The following PDE1A variants were observed in gnomAD, a reference collection of about 807,000 sequenced individuals.
PDE1A encodes dual specificity calcium/calmodulin-dependent 3',5'-cyclic nucleotide phosphodiesterase 1A.
PDE1A carries 35 observed loss-of-function variants against 61.7 expected under a neutral mutation model. That is an observed-to-expected ratio of 0.57 (90% CI 0.43 to 0.75). PDE1A has a LOEUF of 0.75. Ranked by LOEUF, PDE1A falls within the 30% of genes least tolerant of loss-of-function variation. The probability of loss-of-function intolerance (pLI) is 0.00; values close to 1 mark genes in which losing one functional copy is unlikely to be tolerated. For synonymous variants in PDE1A, 232 were observed against 213.2 expected (o/e 1.09, Z -0.77); for missense variants, 597 against 630.6 (o/e 0.95, Z 0.57).
At chr2:182,662,393 C>T in the PDE1A span, among the ~76,000 whole-genome samples, 1 of 148,532 alleles carries the variant, frequency 6.7e-6, no homozygotes, top group African/African-American at 2.5e-5. Context: ...CAATCCTAAG[C>T]AAAAGGAACA....
the PDE1A span, among the ~76,000 whole-genome samples, chr2:182,635,355 ATAAT>A: frequency 6.6e-6 from 1 of 152,020 alleles, no homozygotes; most frequent in Admixed American, 6.6e-5. Context: ...GTTTATATAT[ATAAT>A]TAATACTATA....
At chr2:182,613,289 C>T in the PDE1A span, among the ~76,000 whole-genome samples, 3 of 152,102 alleles carry the variant, frequency 2.0e-5, no homozygotes, top group Admixed American at 6.5e-5. Context: ...GGGCCGGGCA[C>T]GGTGGCTCAC....
At chr2:182,653,414 G>T in the PDE1A span, among the ~76,000 whole-genome samples, 1 of 151,956 alleles carries the variant, frequency 6.6e-6, no homozygotes, top group Non-Finnish European at 1.5e-5. Flanking sequence ...GGTTTTTTTC[G>T]AGGGGATGTG....
At chr2:182,289,735 GT>G in intron 1 of PDE1A, among the ~76,000 whole-genome samples, 1 of 152,164 alleles carries the variant, frequency 6.6e-6, no homozygotes, top group Admixed American at 6.6e-5. Flanking sequence ...GCAAATGTAT[GT>G]ACTTAATTCT....
chr2:182,570,655 G>A, the PDE1A span, among the ~76,000 whole-genome samples: 1 of 152,172 alleles, frequency 6.6e-6, no homozygotes, highest in Non-Finnish European at 1.5e-5. Flanking sequence ...AACGGTCAGT[G>A]TTCAATATGA....
rs1048545856 is a variant in PDE1A, at chr2:182,159,957, T to TA, written c.1517-12806dup. ...GACACAGAGAAACCCTGTCTCAAATTAAAAAAAAGAATTATTGTAGAAAAT... is the reference window on the plus strand; with the variant it reads ...GACACAGAGAAACCCTGTCTCAAATTAAAAAAAAAGAATTATTGTAGAAAAT... On this transcript the variant is annotated intron_variant, in intron 13 of 13. Transcript: ENST00000409365. 5.6e-4 allele frequency among the ~76,000 whole-genome samples: 85 copies of TA among 151,992 alleles called. 3 individuals carry two copies. The East Asian group carries it at 0.015, about 28-fold the overall frequency.
intron 13 of PDE1A, chr2:182,185,675 A>T: frequency 1.4e-6 from 1 of 732,474 alleles, no homozygotes; most frequent in Non-Finnish European, 2.1e-6. Context: ...ACTGACACAC[A>T]GATCTGCAGC....
At chr2:182,183,844 T>C (rs1684969273) in intron 13 of PDE1A, among the ~76,000 whole-genome samples, 1 of 150,996 alleles carries the variant, frequency 6.6e-6, no homozygotes, top group Non-Finnish European at 1.5e-5. Flanking sequence ...AATAATAAAA[T>C]TGAAAAAAGT....
intron 1 of PDE1A, among the ~76,000 whole-genome samples, chr2:182,286,719 G>T (rs1439827110): frequency 1.3e-5 from 2 of 152,142 alleles, no homozygotes; most frequent in Non-Finnish European, 2.9e-5. Flanking sequence ...GGTGCTCATA[G>T]CTTCCACTCA....
chr2:182,651,015 G>GT, the PDE1A span, among the ~76,000 whole-genome samples: 2 of 151,942 alleles, frequency 1.3e-5, no homozygotes, highest in East Asian at 1.9e-4. Context: ...GTTTTGTTTT[G>GT]TTTTTTTCCA....
the PDE1A span, among the ~76,000 whole-genome samples, chr2:182,603,191 A>G: frequency 6.6e-6 from 1 of 152,142 alleles, no homozygotes; most frequent in African/African-American, 2.4e-5. Flanking sequence ...TATTGTTTCT[A>G]GAAATTCTCT....
chr2:182,246,387 C>T (rs1574136054), intron 2 of PDE1A, among the ~76,000 whole-genome samples: 1 of 105,450 alleles, frequency 9.5e-6, no homozygotes, highest in East Asian at 2.5e-4. Flanking sequence ...CTACTATAGT[C>T]TTTTTTCTTT....
At chr2:182,511,642 A>G (rs7595111) in intron 2 of PDE1A, among the ~76,000 whole-genome samples, 117,314 of 152,120 alleles carry the variant, frequency 0.77, 47,244 homozygotes, top group East Asian at 0.99. Flanking sequence ...TGCTATGCTA[A>G]CAGGCTTTGG....
Position 182,513,595 on chromosome 2 carries a change from G to T in PDE1A, c.101+8681C>A, listed in dbSNP as rs78249635. ...TGTCAGGATCAAATCTTCACATATCGATGTTAACCTTGGACGTAAACAGGC... is the reference window on the plus strand; with the variant it reads ...TGTCAGGATCAAATCTTCACATATCTATGTTAACCTTGGACGTAAACAGGC... On this transcript the variant is annotated intron_variant, in intron 2 of 14. Coordinates refer to the PDE1A transcript ENST00000410103. 8.1e-3 allele frequency among the ~76,000 whole-genome samples: 1,238 copies of T among 152,216 alleles called. 26 individuals carry two copies. Among genetic ancestry groups the T allele is most frequent in the African/African-American group, 0.028 (1,153 of 41,534 alleles).
At chr2:182,474,502 G>C (rs977934771) in intron 2 of PDE1A, among the ~76,000 whole-genome samples, 1 of 151,822 alleles carries the variant, frequency 6.6e-6, no homozygotes, top group Non-Finnish European at 1.5e-5. Flanking sequence ...ATGTGATCTT[G>C]ATCAAGCCAC....
intron 1 of PDE1A, among the ~76,000 whole-genome samples, chr2:182,302,846 T>A (rs1222108754): frequency 6.6e-6 from 1 of 152,202 alleles, no homozygotes; most frequent in African/African-American, 2.4e-5. Context: ...TACTTTGTTG[T>A]TATTTCAACA....
At chr2:182,446,737 A>G (rs903257745) in intron 2 of PDE1A, among the ~76,000 whole-genome samples, 1 of 152,096 alleles carries the variant, frequency 6.6e-6, no homozygotes. Context: ...CCCTTCAATG[A>G]TTAAGCAGCC....
At chr2:182,227,574 A>C (rs569165269) in intron 6 of PDE1A, among the ~76,000 whole-genome samples, 1 of 152,164 alleles carries the variant, frequency 6.6e-6, no homozygotes, top group African/African-American at 2.4e-5. Flanking sequence ...AAGGTATGTT[A>C]ATAGCTATTA....
chr2:182,212,689 G>A (rs555372071), intron 7 of PDE1A, among the ~76,000 whole-genome samples: 3 of 152,282 alleles, frequency 2.0e-5, no homozygotes, highest in South Asian at 2.1e-4. Flanking sequence ...ACTCCCACCC[G>A]AATACTGCGC....
Sources: gnomAD v4.1 joint callset for allele counts (sites outside exome capture counted in the v4.1 genomes callset) on GRCh38, gnomAD v4.1.1 for gene constraint, MANE v1.5 for transcripts, NCBI Gene and HGNC (gene_info 2026-07-23, HGNC 2026-07-21) for gene names.